The following SLC2A13 variants were observed in gnomAD, a reference collection of about 807,000 sequenced individuals.
SLC2A13 encodes proton myo-inositol cotransporter.
Under a neutral mutation model 64.4 loss-of-function variants are expected in SLC2A13, and 32 were observed. The observed-to-expected ratio is 0.50, with a 90% confidence interval of 0.37 to 0.67. SLC2A13 has a LOEUF of 0.67. SLC2A13 is among the 30% of genes least tolerant of loss of function. The pLI is 0.00. For synonymous variants in SLC2A13, 338 were observed against 327.1 expected, an observed-to-expected ratio of 1.03 and a Z score of -0.36; for missense variants, 743 against 829.2, an observed-to-expected ratio of 0.90 and a Z score of 1.28.
chr12:39,972,054 A>G (rs1946667426), intron 3 of SLC2A13, among the ~76,000 whole-genome samples: 2 of 117,784 alleles, frequency 1.7e-5, no homozygotes, highest in African/African-American at 3.0e-5. Context: ...TATATATAAT[A>G]TATAAAAATT....
intron 3 of SLC2A13, among the ~76,000 whole-genome samples, chr12:40,023,183 T>C (rs918115455): frequency 3.3e-5 from 5 of 152,234 alleles, no homozygotes; most frequent in African/African-American, 1.2e-4. Context: ...GAGAAAGCTT[T>C]TGTTGTTCAT....
chr12:39,823,178 G>A (rs1942573582), intron 7 of SLC2A13, among the ~76,000 whole-genome samples: 1 of 152,106 alleles, frequency 6.6e-6, no homozygotes, highest in Admixed American at 6.5e-5. Flanking sequence ...ACATAAAAAA[G>A]TATAATTTTA....
chr12:39,995,724 G>T (rs142892894), intron 3 of SLC2A13, among the ~76,000 whole-genome samples: 1 of 152,172 alleles, frequency 6.6e-6, no homozygotes, highest in Non-Finnish European at 1.5e-5. Flanking sequence ...TTGTGGGAGG[G>T]ACCTGGTGAG....
chr12:39,804,597 A>G (rs1049164915), intron 7 of SLC2A13, among the ~76,000 whole-genome samples: 1 of 152,158 alleles, frequency 6.6e-6, no homozygotes, highest in Admixed American at 6.6e-5. Context: ...AAGGGGACAC[A>G]GATTGGTTAA....
intron 4 of SLC2A13, among the ~76,000 whole-genome samples, chr12:39,920,335 G>A (rs961964475): frequency 7.9e-5 from 12 of 152,032 alleles, no homozygotes; most frequent in Admixed American, 3.3e-4. Flanking sequence ...TCTGAACAAC[G>A]TAGATGCCCA....
Position 40,038,997 on chromosome 12 carries a change from A to T in SLC2A13, c.716+9054T>A, listed in dbSNP as rs193086727. Among the ~76,000 whole-genome samples the T allele has an allele frequency of 2.6e-3, 396 of 152,324 alleles. 2 individuals carry two copies. Among genetic ancestry groups the T allele is most frequent in the Non-Finnish European group, 5.0e-3 (341 of 68,020 alleles). On this transcript the variant is annotated intron_variant, in intron 2 of 9. Coordinates refer to ENST00000280871, the MANE Select transcript of SLC2A13 (RefSeq NM_052885.4). ...GCCCATTTTTTTATTGTGGTAAAATATAAATAAAATTACCATTTTGTCCAC... is the reference window on the plus strand; with the variant it reads ...GCCCATTTTTTTATTGTGGTAAAATTTAAATAAAATTACCATTTTGTCCAC...
chr12:39,843,083 G>A (rs1419619620), intron 6 of SLC2A13, among the ~76,000 whole-genome samples: 3 of 151,952 alleles, frequency 2.0e-5, no homozygotes, highest in Non-Finnish European at 4.4e-5. Flanking sequence ...ATGAACATTT[G>A]TGTAGAAGAT....
intron 7 of SLC2A13, among the ~76,000 whole-genome samples, chr12:39,816,243 A>G (rs1163583105): frequency 6.6e-6 from 1 of 152,102 alleles, no homozygotes; most frequent in Non-Finnish European, 1.5e-5. Flanking sequence ...AAAACAGCAC[A>G]TTTCTTCTAC....
At chr12:40,013,188 A>G (rs1947560925) in intron 3 of SLC2A13, among the ~76,000 whole-genome samples, 2 of 152,304 alleles carry the variant, frequency 1.3e-5, no homozygotes, top group South Asian at 4.1e-4. Context: ...TAAAAAAAAA[A>G]AACCTGAGTA....
chr12:40,101,796 G>A (rs12424294), intron 1 of SLC2A13, among the ~76,000 whole-genome samples: 2,102 of 151,458 alleles, frequency 0.014, 127 homozygotes, highest in Admixed American at 0.094. Flanking sequence ...TGCCCAGTAG[G>A]GTAACAGAGC....
intron 6 of SLC2A13, among the ~76,000 whole-genome samples, chr12:39,848,007 T>C (rs1325062269): frequency 2.0e-5 from 3 of 152,116 alleles, no homozygotes; most frequent in South Asian, 2.1e-4. Context: ...ACCTGGTGCA[T>C]GGTTAGCATT....
rs567953844 is a variant in SLC2A13 at position 40,094,706 on chromosome 12, T to C, written c.556+10547A>G. Among the ~76,000 whole-genome samples, 98 of 152,258 alleles carry C rather than the reference T, an allele frequency of 6.4e-4. 1 individual carries two copies. Among genetic ancestry groups the C allele is most frequent in the African/African-American group, 2.2e-3 (91 of 41,560 alleles). ...AGAAGGAATATAGGCAACTGTTTTA[T>C]GTAAAATAAAGGAGACAAATAGGAT... is the stretch of plus-strand genomic sequence containing the variant. On this transcript the variant is annotated intron_variant, in intron 1 of 9. Coordinates refer to ENST00000280871, the MANE Select transcript of SLC2A13 (RefSeq NM_052885.4).
intron 7 of SLC2A13, among the ~76,000 whole-genome samples, chr12:39,821,119 A>G (rs1237147206): frequency 1.2e-4 from 18 of 152,062 alleles, no homozygotes; most frequent in Admixed American, 1.2e-3. Flanking sequence ...AGTTCCTTTT[A>G]TAACTCAAAA....
At chr12:39,862,408 A>G (rs1472474252) in intron 6 of SLC2A13, among the ~76,000 whole-genome samples, 1 of 152,222 alleles carries the variant, frequency 6.6e-6, no homozygotes. Context: ...ATAGATTTCT[A>G]CAAGTGGACG....
At chr12:39,980,616 G>A (rs368762860) in intron 3 of SLC2A13, among the ~76,000 whole-genome samples, 10 of 150,018 alleles carry the variant, frequency 6.7e-5, no homozygotes, top group African/African-American at 1.5e-4. Flanking sequence ...TTCAACAAGA[G>A]GAGCTAACTA....
At chr12:39,812,337 T>TTTCTTTTC (rs1942188147) in intron 7 of SLC2A13, among the ~76,000 whole-genome samples, 1 of 135,188 alleles carries the variant, frequency 7.4e-6, no homozygotes, top group Non-Finnish European at 1.5e-5. Context: ...ACTAATTTCT[T>TTTCTTTTC]TTTTCTTTTC....
chr12:40,022,575 G>A (rs1947737138), intron 3 of SLC2A13, among the ~76,000 whole-genome samples: 1 of 152,224 alleles, frequency 6.6e-6, no homozygotes, highest in Non-Finnish European at 1.5e-5. Flanking sequence ...TGTGGCTCAT[G>A]CCTGTAATCT....
chr12:40,059,594 T>A (rs1392259145), intron 1 of SLC2A13, among the ~76,000 whole-genome samples: 1 of 152,146 alleles, frequency 6.6e-6, no homozygotes, highest in Non-Finnish European at 1.5e-5. Flanking sequence ...TAGGACAATG[T>A]ATGGGGAAGG....
At chr12:39,900,037 T>C (rs1174393016) in intron 4 of SLC2A13, among the ~76,000 whole-genome samples, 1 of 152,158 alleles carries the variant, frequency 6.6e-6, no homozygotes, top group Non-Finnish European at 1.5e-5. Flanking sequence ...TGGTTCATTA[T>C]ATGCAAATCA....
Sources: gnomAD v4.1 joint callset for allele counts (sites outside exome capture counted in the v4.1 genomes callset) on GRCh38, gnomAD v4.1.1 for gene constraint, MANE v1.5 for transcripts, NCBI Gene and HGNC (gene_info 2026-07-23, HGNC 2026-07-21) for gene names.